Variants in ACOX3 observed in about 807,000 individuals in gnomAD.
ACOX3 encodes the protein acyl-CoA oxidase 3, pristanoyl.
In ACOX3, 73 loss-of-function variants were observed where a neutral mutation model predicts 81.5. The ratio of observed to expected loss-of-function variants is 0.90; its 90% CI spans 0.74 to 1.09. The LOEUF (loss-of-function observed/expected upper bound fraction) is 1.09, where lower values mean the gene tolerates loss of function less well. Ranked by LOEUF, ACOX3 falls within the 50% of genes least tolerant of loss-of-function variation. The pLI is 0.00. For missense variants in ACOX3, 947 were observed against 928.0 expected (o/e 1.02, Z -0.27); for synonymous variants, 387 against 375.1 (o/e 1.03, Z -0.37).
intron 1 of ACOX3, among the ~76,000 whole-genome samples, chr4:8,425,877 G>A (rs1468684428): frequency 6.6e-6 from 1 of 152,006 alleles, no homozygotes; most frequent in Non-Finnish European, 1.5e-5. Context: ...TATCGCAGAC[G>A]TTACTTAGGC....
chr4:8,417,994 C>T (rs572134473), intron 1 of ACOX3, among the ~76,000 whole-genome samples: 44 of 152,318 alleles, frequency 2.9e-4, no homozygotes, highest in African/African-American at 1.1e-3. Context: ...TTATGAAAAA[C>T]TGAAAATCTG....
Position 8,414,389 on chromosome 4 carries a change from T to C in ACOX3, c.454-8A>G. ...AGCAAAACATCCAAAAATCTAAATG[T>C]CAAAGCACAAAATGATGGAAAGCAA... On this transcript the variant is annotated splice_region_variant and splice_polypyrimidine_tract_variant and intron_variant, in intron 4 of 17. Transcript: ENST00000356406. The surrounding 1 kb of genome is among the most constrained non-coding windows in gnomAD (Gnocchi z 6.1). The C allele has an allele frequency of 6.2e-7, 1 of 1,612,516 alleles. No individual in the cohort carries two copies. Among genetic ancestry groups the C allele is most frequent in the Non-Finnish European group, 8.5e-7 (1 of 1,178,522 alleles).
In ACOX3 at chr4:8,376,795, T is replaced by A. The variant is rs146186405; in HGVS notation, c.1654-1643A>T. ...AGCTCTGGGCCTTGGTTTTGGTGAG[T>A]GAGGGCTGGTGGCAGGATCTGGACT... On this transcript the variant is annotated intron_variant, in intron 14 of 17. Coordinates refer to ENST00000356406, the MANE Select transcript of ACOX3 (RefSeq NM_003501.3). 5.8e-3 allele frequency among the ~76,000 whole-genome samples: 881 copies of A among 152,108 alleles called. 11 individuals are homozygous for A. The highest frequency in any genetic ancestry group is 0.02 in the African/African-American group (840 of 41,500).
chr4:8,409,841 G>A (rs1243167782), intron 6 of ACOX3, among the ~76,000 whole-genome samples: 1 of 151,674 alleles, frequency 6.6e-6, no homozygotes, highest in African/African-American at 2.4e-5. Context: ...TGCACTGTGG[G>A]CAGAGCTGTC....
chr4:8,432,114 C>A lies in ACOX3; in HGVS notation c.-15+8534G>T, dbSNP rs781360087. 3.9e-5 allele frequency among the ~76,000 whole-genome samples: 6 copies of A among 152,208 alleles called. No homozygotes were observed. The highest frequency in any genetic ancestry group is 2.0e-4 in the Admixed American group (3 of 15,286). On this transcript the variant is annotated intron_variant, in intron 1 of 17. Coordinates refer to ENST00000356406, the MANE Select transcript of ACOX3 (RefSeq NM_003501.3). This position sits in a 1 kb window ranked among gnomAD's most constrained non-coding sequence, Gnocchi z 6.2. The stretch of plus-strand genomic sequence containing the variant: ...GCCACCTCACTTCCCCTAGTCACAT[C>A]ACATTAAGTGGTAGGCAGCTGAAAA...
Position 8,419,969 on chromosome 4 carries a change from A to C in ACOX3, c.-14-3434T>G, listed in dbSNP as rs920442878. Among the ~76,000 whole-genome samples the C allele has an allele frequency of 6.6e-6, 1 of 152,190 alleles. No individual in the cohort carries two copies. The highest frequency in any genetic ancestry group is 1.5e-5 in the Non-Finnish European group (1 of 68,040). Reference sequence around the variant, plus strand: ...TTACGGAATCTTCTCATTTCTCTCCAGCCTGATAAAACCCTCATAACAACC... The same window carrying C: ...TTACGGAATCTTCTCATTTCTCTCCCGCCTGATAAAACCCTCATAACAACC... On this transcript the variant is annotated intron_variant, in intron 1 of 17. Transcript: ENST00000356406. This position sits in a 1 kb window ranked among gnomAD's most constrained non-coding sequence, Gnocchi z 4.2.
intron 14 of ACOX3, among the ~76,000 whole-genome samples, chr4:8,376,459 A>G (rs565825797): frequency 6.6e-6 from 1 of 152,114 alleles, no homozygotes; most frequent in Non-Finnish European, 1.5e-5. Context: ...CGCTGCCCCA[A>G]ATCTTCCCAG....
intron 1 of ACOX3, among the ~76,000 whole-genome samples, chr4:8,427,112 G>A (rs984036004): frequency 1.3e-5 from 2 of 152,164 alleles, no homozygotes; most frequent in Admixed American, 6.5e-5. Flanking sequence ...TAAACATGGG[G>A]CTTGTAACTC....
At chr4:8,421,153 C>G (rs558508774) in intron 1 of ACOX3, among the ~76,000 whole-genome samples, 2 of 152,310 alleles carry the variant, frequency 1.3e-5, no homozygotes, top group South Asian at 4.1e-4. Flanking sequence ...TGGGGATTCT[C>G]CAAAGCGGTG....
At chr4:8,393,952 C>T (rs924400515) in intron 10 of ACOX3, among the ~76,000 whole-genome samples, 6 of 152,200 alleles carry the variant, frequency 3.9e-5, no homozygotes, top group Admixed American at 2.6e-4. Context: ...GTCATCCCTT[C>T]GCCATCATCT....
At chr4:8,388,921 A>AGGCAAGAGGCAAGGTATAAGGT (rs1718628394) in intron 13 of ACOX3, among the ~76,000 whole-genome samples, 1 of 152,278 alleles carries the variant, frequency 6.6e-6, no homozygotes, top group South Asian at 2.1e-4. Flanking sequence ...TGGGAGGGAA[A>AGGCAAGAGGCAAGGTATAAGGT]GGCAAGAGGC....
chr4:8,368,191 C>A lies in ACOX3; in HGVS notation c.1984-1111G>T, dbSNP rs1051561730. ...CCGAGTGGCCCTTACTGGCTGATTTCTGGACCTGGGCCACCACACCCTGCT... is the reference window on the plus strand; with the variant it reads ...CCGAGTGGCCCTTACTGGCTGATTTATGGACCTGGGCCACCACACCCTGCT... On this transcript the variant is annotated intron_variant, in intron 17 of 17. Coordinates refer to ENST00000356406, the MANE Select transcript of ACOX3 (RefSeq NM_003501.3). This position sits in a 1 kb window ranked among gnomAD's most constrained non-coding sequence, Gnocchi z 5.9. 1.3e-5 allele frequency among the ~76,000 whole-genome samples: 2 copies of A among 152,242 alleles called. No individual in the cohort carries two copies. Among genetic ancestry groups the A allele is most frequent in the Non-Finnish European group, 2.9e-5 (2 of 68,038 alleles).
rs1436981363 is a variant in ACOX3, at chr4:8,405,623, A to G, written c.776+332T>C. ...GAGGCCGAGCCGGGGGAGGCTCAGG[A>G]TGCTGAGGAGGACCTCACACAGAGG... On this transcript the variant is annotated intron_variant, in intron 7 of 17. Transcript: ENST00000356406. This position sits in a 1 kb window ranked among gnomAD's most constrained non-coding sequence, Gnocchi z 7.1. 6.6e-6 allele frequency among the ~76,000 whole-genome samples: 1 copy of G among 152,194 alleles called. No individual in the cohort carries two copies.
chr4:8,378,364 A>T (rs1717230134), intron 14 of ACOX3, among the ~76,000 whole-genome samples: 1 of 152,124 alleles, frequency 6.6e-6, no homozygotes, highest in Non-Finnish European at 1.5e-5. Flanking sequence ...ACGTGAAATG[A>T]CCCAGGTACA....
At position 8,430,104 on chromosome 4, in the gene ACOX3, T is replaced by C. The variant is rs1391680360; in HGVS notation, c.-15+10544A>G. ...TCAGGTCATGTTTGGAAATTCTGTC[T>C]ACTTCTGTTCTACTCTGAAATACCT... On this transcript the variant is annotated intron_variant, in intron 1 of 17. Transcript: ENST00000356406. This position sits in a 1 kb window ranked among gnomAD's most constrained non-coding sequence, Gnocchi z 5.2. 6.6e-6 allele frequency among the ~76,000 whole-genome samples: 1 copy of C among 152,254 alleles called. No individual in the cohort carries two copies. Among genetic ancestry groups the C allele is most frequent in the African/African-American group, 2.4e-5 (1 of 41,472 alleles).
At chr4:8,374,953 G>A in intron 15 of ACOX3, 25 bp downstream of exon 15, 2 of 1,480,152 alleles carry the variant, frequency 1.4e-6, no homozygotes, top group South Asian at 1.3e-5. Flanking sequence ...GGGGAGGACA[G>A]CAAGCCCGCA....
Position 8,432,950 on chromosome 4 carries a change from T to A in ACOX3, c.-15+7698A>T, listed in dbSNP as rs1454683472. On this transcript the variant is annotated intron_variant, in intron 1 of 17. Coordinates refer to ENST00000356406, the MANE Select transcript of ACOX3 (RefSeq NM_003501.3). This position sits in a 1 kb window ranked among gnomAD's most constrained non-coding sequence, Gnocchi z 6.2. ...AAATCAGTTCCCTAGTTGCACTAGC[T>A]GCACTCAAGTGTGGGTCAGTAGCCA... Among the ~76,000 whole-genome samples, 2 of 152,266 alleles carry A rather than the reference T, an allele frequency of 1.3e-5. No individual in the cohort carries two copies. The highest frequency in any genetic ancestry group is 4.1e-4 in the South Asian group (2 of 4,836).
rs755008770 is a variant in ACOX3 at position 8,399,443 on chromosome 4, C to T, written c.873+113G>A. 6.6e-6 allele frequency: 6 copies of T among 909,218 alleles called. No homozygotes were observed. Among genetic ancestry groups the T allele is most frequent in the Admixed American group, 2.3e-5 (1 of 42,952 alleles). The allele number at this position is 909,218 out of a possible 1,614,324, so 56.3% of individuals were successfully genotyped here. A position where few individuals can be genotyped will look rare whatever the true frequency, so the allele number is the denominator to read the frequency against. ...CAGGAGAAGTATGCCCCAGCGACAC[C>T]TGGCCTACGTGGAGGGGTCTCCTTT... On this transcript the variant is annotated intron_variant, in intron 8 of 17. Coordinates refer to ENST00000356406, the MANE Select transcript of ACOX3 (RefSeq NM_003501.3). The surrounding 1 kb of genome is among the most constrained non-coding windows in gnomAD (Gnocchi z 4.9).
intron 6 of ACOX3, among the ~76,000 whole-genome samples, chr4:8,408,891 T>TGGGGGGGGGG (rs200811549): frequency 4.3e-4 from 11 of 25,798 alleles, no homozygotes; most frequent in East Asian, 1.2e-3. Context: ...GAGCCCTCAC[T>TGGGGGGGGGG]GGGGGGGGGG....
Sources: allele counts gnomAD v4.1 joint callset (sites outside exome capture counted in the v4.1 genomes callset), GRCh38; gene constraint gnomAD v4.1.1; non-coding constraint Gnocchi (gnomAD v3.1); transcripts MANE v1.5; gene names NCBI Gene and HGNC (gene_info 2026-07-23, HGNC 2026-07-21).